The following CNTNAP5 variants were observed in gnomAD, a reference collection of about 807,000 sequenced individuals.
CNTNAP5 encodes the protein contactin associated protein family member 5, also known as contactin-associated protein-like 5.
In CNTNAP5, 72 loss-of-function variants were observed where a neutral mutation model predicts 150.2. The ratio of observed to expected loss-of-function variants is 0.48; its 90% CI spans 0.40 to 0.58. The LOEUF (loss-of-function observed/expected upper bound fraction) is 0.58. Among genes scored for constraint, CNTNAP5 ranks in the 20% least tolerant of loss-of-function variants. The pLI is 0.00. For synonymous variants in CNTNAP5, 672 were observed against 619.8 expected, an observed-to-expected ratio of 1.08 and a Z score of -1.25; for missense variants, 1,636 against 1,626.2, an observed-to-expected ratio of 1.01 and a Z score of -0.10.
At position 124,914,235 on chromosome 2, in the gene CNTNAP5, G is replaced by A; in HGVS notation, c.3871G>A (p.Glu1291Lys). ...PENLDSSFRN[E>K]IDLQNTVSEC... ...AAATTTGGACAGTTCCTTCAGAAAT[G>A]AAATTGACTTGCAAAACACAGTGAG... Residue 1291 changes from glutamate (E) to lysine (K), a missense_variant, in exon 24 of 24, where the codon GAA becomes AAA. Glu to Lys is a moderately conservative substitution (Grantham distance 56). Coordinates refer to ENST00000682447, the MANE Select transcript of CNTNAP5 (RefSeq NM_001367498.1). The A allele has an allele frequency of 1.2e-6, 2 of 1,612,556 alleles. No individual in the cohort carries two copies. Among genetic ancestry groups the A allele is most frequent in the Admixed American group, 3.3e-5 (2 of 59,864 alleles).
intron 11 of CNTNAP5, among the ~76,000 whole-genome samples, chr2:124,582,683 C>A (rs1279045193): frequency 6.6e-6 from 1 of 151,910 alleles, no homozygotes; most frequent in African/African-American, 2.4e-5. Context: ...TTTATATAAT[C>A]CATGAAAGTT....
intron 1 of CNTNAP5, among the ~76,000 whole-genome samples, chr2:124,205,785 T>G (rs776593230): frequency 1.3e-5 from 2 of 152,332 alleles, no homozygotes; most frequent in Non-Finnish European, 1.5e-5. Flanking sequence ...GAGAATTCTC[T>G]TTTTTCCTCT....
intron 1 of CNTNAP5, among the ~76,000 whole-genome samples, chr2:124,054,039 G>A (rs1681779943): frequency 6.6e-6 from 1 of 152,152 alleles, no homozygotes; most frequent in South Asian, 2.1e-4. Flanking sequence ...AAGTGGCATC[G>A]TATTGGCACT....
intron 13 of CNTNAP5, among the ~76,000 whole-genome samples, chr2:124,708,972 C>T (rs972685629): frequency 1.3e-5 from 2 of 152,168 alleles, no homozygotes; most frequent in African/African-American, 4.8e-5. Context: ...AACACTAAAT[C>T]ACAGTGCAAA....
intron 1 of CNTNAP5, among the ~76,000 whole-genome samples, chr2:124,039,757 G>A (rs1681317255): frequency 6.6e-6 from 1 of 152,006 alleles, no homozygotes; most frequent in African/African-American, 2.4e-5. Flanking sequence ...TGCTTTGTAT[G>A]GGTAATAAAA....
chr2:124,406,922 A>G (rs2104764149), intron 3 of CNTNAP5, among the ~76,000 whole-genome samples: 1 of 152,258 alleles, frequency 6.6e-6, no homozygotes, highest in African/African-American at 2.4e-5. Context: ...ACTTACTTTT[A>G]GCTCTCACAT....
intron 11 of CNTNAP5, among the ~76,000 whole-genome samples, chr2:124,605,586 G>A (rs988896188): frequency 6.6e-6 from 1 of 152,038 alleles, no homozygotes; most frequent in Non-Finnish European, 1.5e-5. Flanking sequence ...GGAGGCTGAG[G>A]CAGGTGGATC....
At chr2:124,084,248 A>G (rs1682626056) in intron 1 of CNTNAP5, among the ~76,000 whole-genome samples, 1 of 150,556 alleles carries the variant, frequency 6.6e-6, no homozygotes, top group Admixed American at 6.6e-5. Context: ...TCATTTATTA[A>G]TTCCAGAAGT....
chr2:124,438,494 A>C (rs1692592366), intron 5 of CNTNAP5, among the ~76,000 whole-genome samples: 1 of 152,210 alleles, frequency 6.6e-6, no homozygotes, highest in Non-Finnish European at 1.5e-5. Context: ...ATGTTTATGC[A>C]ATCCCCAATA....
intron 13 of CNTNAP5, among the ~76,000 whole-genome samples, chr2:124,678,362 G>A (rs774406735): frequency 1.6e-4 from 25 of 151,714 alleles, no homozygotes; most frequent in East Asian, 9.7e-4. Flanking sequence ...TGTCTTAAGC[G>A]GCATTTCAGG....
At chr2:124,218,315 C>T (rs1356402660) in intron 1 of CNTNAP5, among the ~76,000 whole-genome samples, 1 of 152,108 alleles carries the variant, frequency 6.6e-6, no homozygotes, top group Non-Finnish European at 1.5e-5. Flanking sequence ...AGGCTAATTT[C>T]ATAAGAGACT....
At chr2:124,313,571 A>G (rs1000043488) in intron 3 of CNTNAP5, among the ~76,000 whole-genome samples, 13 of 152,100 alleles carry the variant, frequency 8.5e-5, no homozygotes, top group Admixed American at 6.6e-5. Flanking sequence ...CTTAACATAC[A>G]TTTCTATTTG....
chr2:124,891,060 A>G (rs145155467), intron 21 of CNTNAP5, among the ~76,000 whole-genome samples: 132 of 152,210 alleles, frequency 8.7e-4, no homozygotes, highest in African/African-American at 3.1e-3. Context: ...AGTAGCTTAA[A>G]CCAGTATCCA....
chr2:124,544,467 G>A (rs1000867130), intron 10 of CNTNAP5, among the ~76,000 whole-genome samples: 5 of 152,144 alleles, frequency 3.3e-5, no homozygotes, highest in African/African-American at 7.2e-5. Context: ...TTCTCAGACT[G>A]AGTTGGAATA....
At chr2:124,416,683 A>G (rs1691925853) in intron 3 of CNTNAP5, among the ~76,000 whole-genome samples, 1 of 151,978 alleles carries the variant, frequency 6.6e-6, no homozygotes, top group African/African-American at 2.4e-5. Context: ...CTTTTTTTAA[A>G]AAATCTGTAA....
At chr2:124,328,188 A>G (rs1282705452) in intron 3 of CNTNAP5, among the ~76,000 whole-genome samples, 1 of 151,976 alleles carries the variant, frequency 6.6e-6, no homozygotes, top group Non-Finnish European at 1.5e-5. Context: ...TTCATTTATC[A>G]TATATAAGAT....
intron 3 of CNTNAP5, among the ~76,000 whole-genome samples, chr2:124,321,494 C>T (rs546362523): frequency 6.6e-6 from 1 of 151,756 alleles, no homozygotes. Flanking sequence ...ATTAGAATTT[C>T]TTTTGCCTTG....
intron 19 of CNTNAP5, among the ~76,000 whole-genome samples, chr2:124,827,309 G>A (rs927497548): frequency 1.3e-5 from 2 of 151,990 alleles, no homozygotes; most frequent in African/African-American, 2.4e-5. Context: ...TGCTGGTGGC[G>A]AGTCACAGGG....
At chr2:124,170,276 A>G (rs1684900163) in intron 1 of CNTNAP5, among the ~76,000 whole-genome samples, 1 of 151,732 alleles carries the variant, frequency 6.6e-6, no homozygotes, top group Non-Finnish European at 1.5e-5. Flanking sequence ...TTTTCCTGAA[A>G]GGGCATTGGG....
Sources: gnomAD v4.1 joint callset for allele counts (sites outside exome capture counted in the v4.1 genomes callset) on GRCh38, gnomAD v4.1.1 for gene constraint, MANE v1.5 for transcripts, NCBI Gene and HGNC (gene_info 2026-07-23, HGNC 2026-07-21) for gene names.